CELF1: variants seen among roughly 807,000 people sequenced by gnomAD.
The protein encoded by CELF1 is 50 kDa nuclear polyadenylated RNA-binding protein.
Under a neutral mutation model 61.8 loss-of-function variants are expected in CELF1, and 10 were observed. The observed-to-expected ratio is 0.16, with a 90% CI of 0.10 to 0.27. The LOEUF (loss-of-function observed/expected upper bound fraction) is 0.27, where lower values mean the gene tolerates loss of function less well. CELF1 is among the 10% of genes least tolerant of loss of function. The pLI, the probability that CELF1 is intolerant of heterozygous loss-of-function variation, is 1.00. For synonymous variants in CELF1, 236 were observed against 225.1 expected, an observed-to-expected ratio of 1.05 and a Z score of -0.43; for missense variants, 380 against 639.1, an observed-to-expected ratio of 0.59 and a Z score of 4.37.
At chr11:47,520,636 T>C (rs1054392692) in intron 1 of CELF1, among the ~76,000 whole-genome samples, 2 of 151,996 alleles carry the variant, frequency 1.3e-5, no homozygotes, top group African/African-American at 4.8e-5. Flanking sequence ...GGCAAAACCC[T>C]ACCTCTACCC....
chr11:47,478,801 C>T, intron 10 of CELF1, 76 bp downstream of exon 10: 1 of 1,212,500 alleles, frequency 8.2e-7, no homozygotes. Context: ...GAAACGATGC[C>T]AAACTCCCAA....
chr11:47,540,556 GC>G (rs769585904), intron 1 of CELF1, among the ~76,000 whole-genome samples: 2 of 152,060 alleles, frequency 1.3e-5, no homozygotes, highest in Non-Finnish European at 2.9e-5. Context: ...TCACTCCTCG[GC>G]CCCCACGAGA....
chr11:47,479,407 A>C (rs1191465462), intron 9 of CELF1, among the ~76,000 whole-genome samples: 1 of 152,174 alleles, frequency 6.6e-6, no homozygotes, highest in Non-Finnish European at 1.5e-5. Context: ...ACTTCACACA[A>C]CTATTTTAAA....
intron 1 of CELF1, among the ~76,000 whole-genome samples, chr11:47,531,928 A>G (rs2096488609): frequency 4.6e-5 from 7 of 152,208 alleles, no homozygotes; most frequent in Admixed American, 3.9e-4. Flanking sequence ...TAATTCCTTT[A>G]AAGAATTATT....
rs2077621781 is a variant in CELF1, at chr11:47,471,199, A to C, written c.*1031T>G. 1 of 152,118 alleles carries C rather than the reference A, an allele frequency of 6.6e-6. No homozygotes were observed. Among genetic ancestry groups the C allele is most frequent in the African/African-American group, 2.4e-5 (1 of 41,416 alleles). 9.4% of individuals were successfully genotyped at this position (152,118 alleles called of 1,614,324 possible). A position where few individuals can be genotyped will look rare whatever the true frequency, so the allele number is the denominator to read the frequency against. On this transcript the variant is annotated 3_prime_UTR_variant, in exon 15 of 15. Coordinates refer to ENST00000687097, the MANE Select transcript of CELF1 (RefSeq NM_001376376.1). ...GAAATAAGCTCCTCCTCCCCCAACT[A>C]GATGGTATTGATCACTCTGCCCACA...
At chr11:47,517,744 C>T (rs548071964) in intron 1 of CELF1, among the ~76,000 whole-genome samples, 54 of 152,132 alleles carry the variant, frequency 3.5e-4, no homozygotes, top group Admixed American at 5.9e-4. Context: ...CCTCCGCCTC[C>T]CGGGTTCAAG....
At chr11:47,562,020 A>G (rs1276138005) in intron 2 of CELF1, among the ~76,000 whole-genome samples, 1 of 151,932 alleles carries the variant, frequency 6.6e-6, no homozygotes, top group East Asian at 1.9e-4. Context: ...TGAGGTCGGG[A>G]GTTCGAGACC....
intron 1 of CELF1, among the ~76,000 whole-genome samples, chr11:47,535,661 A>G (rs1387916359): frequency 4.0e-5 from 6 of 149,228 alleles, no homozygotes; most frequent in Non-Finnish European, 5.9e-5. Flanking sequence ...CCTGGGCAAC[A>G]AGAGCGAAAC....
chr11:47,555,887 C>A (rs2097204443), upstream of CELF1, among the ~76,000 whole-genome samples: 2 of 151,416 alleles, frequency 1.3e-5, no homozygotes, highest in Non-Finnish European at 1.5e-5. Flanking sequence ...GTAATCCCAG[C>A]TACTCGGGAG....
intron 1 of CELF1, among the ~76,000 whole-genome samples, chr11:47,551,599 TAGAG>T (rs1223683341): frequency 2.0e-5 from 3 of 152,210 alleles, no homozygotes; most frequent in Admixed American, 6.5e-5. Flanking sequence ...CAAGGATTAA[TAGAG>T]AGGCTGAAAC....
intron 8 of CELF1, 46 bp downstream of exon 8, chr11:47,483,407 C>A: frequency 6.8e-7 from 1 of 1,478,484 alleles, no homozygotes; most frequent in Non-Finnish European, 9.5e-7. Context: ...ACTGTCCCAG[C>A]ATTCCCAAGC....
Position 47,466,161 on chromosome 11 carries a change from ACT to A in CELF1, c.*6067_*6068del, listed in dbSNP as rs2076649138. On this transcript the variant is annotated 3_prime_UTR_variant, in exon 15 of 15. Transcript: ENST00000687097. ...TTTTCTTTTTAAATTCACTACACAA[ACT>A]CTGTGATTAGGTAAGAAAAGCGACG... is the stretch of plus-strand genomic sequence containing the variant. The A allele has an allele frequency of 1.3e-5, 2 of 152,232 alleles. No individual in the cohort carries two copies. The highest frequency in any genetic ancestry group is 4.8e-5 in the African/African-American group (2 of 41,468). 9.4% of individuals were successfully genotyped at this position (152,232 alleles called of 1,614,324 possible). A position where few individuals can be genotyped will look rare whatever the true frequency, so the allele number is the denominator to read the frequency against.
chr11:47,548,439 A>G (rs1232965805), intron 1 of CELF1, among the ~76,000 whole-genome samples: 1 of 152,272 alleles, frequency 6.6e-6, no homozygotes, highest in Non-Finnish European at 1.5e-5. Flanking sequence ...CAACAAAACC[A>G]GAAATAAACA....
intron 6 of CELF1, among the ~76,000 whole-genome samples, chr11:47,484,905 C>T (rs1242855669): frequency 1.3e-5 from 2 of 152,082 alleles, no homozygotes; most frequent in Non-Finnish European, 2.9e-5. Flanking sequence ...CTTGAACTCT[C>T]GACCTCAGGT....
chr11:47,510,923 T>C (rs543411352), intron 1 of CELF1, among the ~76,000 whole-genome samples: 2 of 152,150 alleles, frequency 1.3e-5, no homozygotes, highest in Non-Finnish European at 2.9e-5. Context: ...GGCTCATACC[T>C]ATAATCCCAA....
Position 47,477,395 on chromosome 11 carries a change from G to A in CELF1, c.875C>T (p.Ala292Val), listed in dbSNP as rs2080742422. ...GLNAMQLQNL[A>V]ALAAAASAAQ... ...TGCACTAGCTGCAGCAGCTAGTGCA[G>A]CCAAATTCTGTAACTGCATTGCATT... The change falls in exon 11 of 15, where the codon GCT (alanine) becomes GTT (valine). Residue 292 changes from alanine to valine, a missense_variant. Transcript: ENST00000687097. 6.2e-7 allele frequency: 1 copy of A among 1,613,788 alleles called. No individual in the cohort carries two copies. The highest frequency in any genetic ancestry group is 8.5e-7 in the Non-Finnish European group (1 of 1,179,878).
At chr11:47,525,038 TCAG>T (rs2096165252) in intron 1 of CELF1, among the ~76,000 whole-genome samples, 1 of 152,210 alleles carries the variant, frequency 6.6e-6, no homozygotes, top group Non-Finnish European at 1.5e-5. Flanking sequence ...TCTTCCCAGA[TCAG>T]CAGTAGTGGT....
At chr11:47,516,169 G>A (rs1373503713) in intron 1 of CELF1, among the ~76,000 whole-genome samples, 3 of 147,154 alleles carry the variant, frequency 2.0e-5, no homozygotes, top group Non-Finnish European at 3.0e-5. Context: ...TCCAGCCTGG[G>A]TGACAGAGCA....
intron 1 of CELF1, among the ~76,000 whole-genome samples, chr11:47,512,501 T>C (rs958440150): frequency 9.7e-5 from 14 of 144,480 alleles, no homozygotes; most frequent in African/African-American, 3.6e-4. Context: ...TCTGCCCAGC[T>C]AATTTTTTTT....
Sources: gnomAD v4.1 joint callset for allele counts (sites outside exome capture counted in the v4.1 genomes callset) on GRCh38, gnomAD v4.1.1 for gene constraint, MANE v1.5 for transcripts, NCBI Gene and HGNC (gene_info 2026-07-23, HGNC 2026-07-21) for gene names.